TAF1: variants seen among roughly 807,000 people sequenced by gnomAD.
The protein encoded by TAF1 is TATA-box binding protein associated factor 1.
In TAF1, 2 loss-of-function variants were observed where a neutral mutation model predicts 138.5. The observed-to-expected ratio is 0.01, with a 90% CI of 0.01 to 0.05. The LOEUF (loss-of-function observed/expected upper bound fraction) is 0.05, where lower values mean the gene tolerates loss of function less well. Ranked by LOEUF, TAF1 falls within the 10% of genes least tolerant of loss-of-function variation. The probability of loss-of-function intolerance (pLI) is 1.00; values close to 1 mark genes in which losing one functional copy is unlikely to be tolerated. For missense variants in TAF1, 709 were observed against 1,478.0 expected (o/e 0.48, Z 8.53); for synonymous variants, 437 against 503.2 (o/e 0.87, Z 1.76).
In TAF1 at chrX:71,397,237, T is replaced by C; in HGVS notation, c.3407-16T>C. 1 of 1,207,339 alleles carries C rather than the reference T, an allele frequency of 8.3e-7. No homozygotes were observed. The highest frequency in any genetic ancestry group is 1.1e-6 in the Non-Finnish European group (1 of 892,865). On this transcript the variant is annotated splice_polypyrimidine_tract_variant and intron_variant, in intron 22 of 37. Coordinates refer to ENST00000423759, the MANE Select transcript of TAF1 (RefSeq NM_004606.5). The stretch of plus-strand genomic sequence containing the variant: ...ATAAGGGGAACGTTTGGAAATCTTT[T>C]CTACCTACCTTGCAGCAGCAGGCTC...
intron 22 of TAF1, among the ~76,000 whole-genome samples, chrX:71,396,484 T>C (rs1196667313): frequency 1.8e-5 from 2 of 108,256 alleles, no homozygotes; most frequent in Non-Finnish European, 3.8e-5. Context: ...GTAGAGACAG[T>C]GTCTTCTCTG....
At chrX:71,462,314 A>T (rs2038583040) in intron 37 of TAF1, among the ~76,000 whole-genome samples, 2 of 106,750 alleles carry the variant, frequency 1.9e-5, no homozygotes, top group African/African-American at 6.6e-5. Context: ...GCGGTGGCTC[A>T]TGCCTAAAAT....
At chrX:71,406,488 T>G in intron 25 of TAF1, 150 bp from the exon 26 acceptor site, 1 of 477,418 alleles carries the variant, frequency 2.1e-6, no homozygotes, top group South Asian at 3.6e-5. Flanking sequence ...GATCTGAACC[T>G]TAGAAGGTGG....
chrX:71,524,747 C>T (rs1020858779), intron 13 of TAF1, among the ~76,000 whole-genome samples: 1 of 109,390 alleles, frequency 9.1e-6, no homozygotes, highest in Non-Finnish European at 1.9e-5. Context: ...TCAAGACCAG[C>T]CTGGCCAACA....
intron 32 of TAF1, among the ~76,000 whole-genome samples, chrX:71,433,519 A>G (rs1183728071): frequency 9.0e-6 from 1 of 111,314 alleles, no homozygotes; most frequent in Non-Finnish European, 1.9e-5. Context: ...CTAAAGCAGC[A>G]TGTCCTTCTT....
intron 18 of TAF1, among the ~76,000 whole-genome samples, chrX:71,390,663 C>T (rs755659732): frequency 9.0e-6 from 1 of 111,583 alleles, no homozygotes; most frequent in African/African-American, 3.3e-5. Context: ...ACAACAAGCA[C>T]ACACCACCAC....
chrX:71,454,319 G>T, intron 33 of TAF1, 82 bp downstream of exon 33: 1 of 878,367 alleles, frequency 1.1e-6, no homozygotes, highest in Non-Finnish European at 1.6e-6. Context: ...AAAATTAGTG[G>T]GGTCTGGTGG....
intron 32 of TAF1, among the ~76,000 whole-genome samples, chrX:71,444,735 G>A (rs761441981): frequency 1.0e-3 from 113 of 110,026 alleles, no homozygotes; most frequent in African/African-American, 3.7e-3. Context: ...GCCAGTGTTT[G>A]TATCTCTCTC....
chrX:71,458,505 T>A (rs1432983367), intron 35 of TAF1, 139 bp downstream of exon 35: 3 of 893,619 alleles, frequency 3.4e-6, no homozygotes, highest in Non-Finnish European at 4.5e-6. Flanking sequence ...AGCTTAGAAA[T>A]GGGATTTCAA....
In TAF1 at chrX:71,484,480, C is replaced by CT. The variant is rs918391381; in HGVS notation, c.1366+23678dup. 5.4e-5 allele frequency among the ~76,000 whole-genome samples: 6 copies of CT among 110,111 alleles called. No homozygotes were observed. In the Admixed American group the frequency reaches 5.9e-4, roughly 11 times the overall value. Reference sequence around the variant, plus strand: ...CCCAAGTAACTGAGATTACAAGTGCCTGCCACCACACCCAGATAATTTTTG... The same window carrying CT: ...CCCAAGTAACTGAGATTACAAGTGCCTTGCCACCACACCCAGATAATTTTTG... On this transcript the variant is annotated intron_variant and NMD_transcript_variant, in intron 13 of 14. Coordinates refer to the TAF1 transcript ENST00000373775.
chrX:71,496,351 C>T (rs140544741), intron 13 of TAF1, among the ~76,000 whole-genome samples: 182 of 112,399 alleles, frequency 1.6e-3, no homozygotes, highest in African/African-American at 5.4e-3. Flanking sequence ...TTTACACTGA[C>T]AGTAAGGTGG....
intron 32 of TAF1, 148 bp downstream of exon 32, chrX:71,424,386 A>G (rs2036495618): frequency 3.1e-6 from 1 of 317,652 alleles, no homozygotes; most frequent in Non-Finnish European, 5.2e-6. Flanking sequence ...TAGTTCACTG[A>G]ACCAGGCACA....
At chrX:71,438,688 T>C (rs1376319567) in intron 32 of TAF1, among the ~76,000 whole-genome samples, 1 of 112,138 alleles carries the variant, frequency 8.9e-6, no homozygotes, top group African/African-American at 3.2e-5. Flanking sequence ...AGTATTGTGA[T>C]TGGCTTCCAT....
At chrX:71,388,462 T>C in intron 16 of TAF1, 84 bp downstream of exon 16, 1 of 1,122,633 alleles carries the variant, frequency 8.9e-7, no homozygotes, top group Non-Finnish European at 1.2e-6. Flanking sequence ...AAGCATATAG[T>C]TAATAAAATA....
At position 71,445,796 on chromosome X, in the gene TAF1, A is replaced by G. The variant is rs564468529; in HGVS notation, c.4754-8374A>G. ...TTCATGTTAGTACATATAGATTTCT[A>G]CATTCTTTTAAACTTATTTCTTAGC... On this transcript the variant is annotated intron_variant, in intron 32 of 37. Transcript: ENST00000423759. 2.7e-5 allele frequency among the ~76,000 whole-genome samples: 3 copies of G among 111,923 alleles called. No homozygotes were observed. The South Asian group carries it at 1.1e-3, about 41-fold the overall frequency.
intron 27 of TAF1, 119 bp downstream of exon 27, chrX:71,407,791 G>A (rs1012937340): frequency 5.3e-5 from 51 of 965,958 alleles, no homozygotes; most frequent in Non-Finnish European, 6.5e-5. Flanking sequence ...TAATTTTTAG[G>A]GAGTTAGTTT....
At chrX:71,371,347 G>A (rs766466033) in intron 3 of TAF1, among the ~76,000 whole-genome samples, 2 of 111,362 alleles carry the variant, frequency 1.8e-5, no homozygotes, top group Non-Finnish European at 3.8e-5. Flanking sequence ...ATTGGAAGTG[G>A]GTGTAGATTG....
Position 71,442,658 on chromosome X carries a change from A to T in TAF1, c.4754-11512A>T, listed in dbSNP as rs180761409. On this transcript the variant is annotated intron_variant, in intron 32 of 37. Transcript: ENST00000423759. Reference sequence around the variant, plus strand: ...TTTCTTTTGCTGTGCAGAAGCTCTTAAGTTTAATTAGATCTCATTTGTCAA... The same window carrying T: ...TTTCTTTTGCTGTGCAGAAGCTCTTTAGTTTAATTAGATCTCATTTGTCAA... Among the ~76,000 whole-genome samples, 6 of 111,565 alleles carry T rather than the reference A, an allele frequency of 5.4e-5. No homozygotes were observed. In the East Asian group the frequency reaches 1.1e-3, roughly 21 times the overall value.
At chrX:71,367,088 A>G (rs2032583837) in intron 1 of TAF1, among the ~76,000 whole-genome samples, 2 of 112,075 alleles carry the variant, frequency 1.8e-5, no homozygotes, top group African/African-American at 6.5e-5. Flanking sequence ...TGAGGAGTGA[A>G]GCTGTCGGCC....
Sources: gnomAD v4.1 joint callset for allele counts (sites outside exome capture counted in the v4.1 genomes callset) on GRCh38, gnomAD v4.1.1 for gene constraint, MANE v1.5 for transcripts, NCBI Gene and HGNC (gene_info 2026-07-23, HGNC 2026-07-21) for gene names.